Variants in ZMIZ1 observed in about 807,000 individuals in gnomAD.
The protein encoded by ZMIZ1 is zinc finger MIZ-type containing 1.
A neutral mutation model predicts 113.9 loss-of-function variants in ZMIZ1; 17 were observed. The observed-to-expected ratio is 0.15, with a 90% CI of 0.10 to 0.22. The LOEUF is 0.22. Ranked by LOEUF, ZMIZ1 falls within the 10% of genes least tolerant of loss-of-function variation. The pLI, the probability that ZMIZ1 is intolerant of heterozygous loss-of-function variation, is 1.00. For missense variants in ZMIZ1, 1,059 were observed against 1,477.8 expected, an observed-to-expected ratio of 0.72 and a Z score of 4.65; for synonymous variants, 607 against 603.1, an observed-to-expected ratio of 1.01 and a Z score of -0.09.
chr10:79,173,631 A>G (rs774927442), intron 4 of ZMIZ1, among the ~76,000 whole-genome samples: 2 of 152,164 alleles, frequency 1.3e-5, no homozygotes, highest in Non-Finnish European at 2.9e-5. Flanking sequence ...TTTAAGACCA[A>G]ATCTTTGCTG....
intron 4 of ZMIZ1, among the ~76,000 whole-genome samples, chr10:79,172,951 G>A (rs764036579): frequency 8.5e-5 from 13 of 152,184 alleles, no homozygotes; most frequent in Non-Finnish European, 1.5e-4. Context: ...GTGTTTAAAT[G>A]GTAGTGACTG....
intron 2 of ZMIZ1, among the ~76,000 whole-genome samples, chr10:79,135,899 C>T (rs901541867): frequency 4.6e-5 from 7 of 152,340 alleles, no homozygotes; most frequent in East Asian, 3.9e-4. Flanking sequence ...CCCACCCACC[C>T]GCCGCCGCTG....
At chr10:79,138,975 G>A (rs977273244) in intron 2 of ZMIZ1, among the ~76,000 whole-genome samples, 1 of 152,200 alleles carries the variant, frequency 6.6e-6, no homozygotes, top group Admixed American at 6.5e-5. Context: ...TAAAGAGCGT[G>A]GAGGAAGAGC....
rs905330972 is a variant in ZMIZ1 at position 79,311,447 on chromosome 10, C to A, written c.3096+263C>A. Among the ~76,000 whole-genome samples, 6 of 152,274 alleles carry A rather than the reference C, an allele frequency of 3.9e-5. No homozygotes were observed. The East Asian group carries it at 1.2e-3, about 30-fold the overall frequency. On this transcript the variant is annotated intron_variant, in intron 24 of 24. Coordinates refer to ENST00000334512, the MANE Select transcript of ZMIZ1 (RefSeq NM_020338.4). ...ACCCCAGCCCTGACCCACCTTCTGA[C>A]CCAAGCCCTGCGGGGTCCCTTGCGC...
At position 79,298,546 on chromosome 10, in the gene ZMIZ1, C is replaced by T. The variant is rs781240560; in HGVS notation, c.1632C>T (p.Ile544=). The change falls in exon 15 of 25, where the codon ATC becomes ATT. Residue 544 remains isoleucine (I), a synonymous_variant. Coordinates refer to ENST00000334512, the MANE Select transcript of ZMIZ1 (RefSeq NM_020338.4). ...QDVKPPFPPD[I]KPNMSALPPP... is the part of the protein sequence containing the mutation. ...TCAAACCACCCTTCCCGCCTGACAT[C>T]AAGCCAAATATGAGCGCTCTGCCAC... is the stretch of plus-strand genomic sequence containing the variant. The T allele has an allele frequency of 6.2e-7, 1 of 1,602,936 alleles. No homozygotes were observed. Among genetic ancestry groups the T allele is most frequent in the African/African-American group, 1.4e-5 (1 of 73,946 alleles).
intron 1 of ZMIZ1, among the ~76,000 whole-genome samples, chr10:79,103,597 G>A (rs1843446491): frequency 6.6e-6 from 1 of 151,960 alleles, no homozygotes; most frequent in South Asian, 2.1e-4. Flanking sequence ...GGGAGGGAGG[G>A]CAAGGGGTGA....
chr10:79,291,200 G>A (rs1198740968), intron 10 of ZMIZ1, 24 bp downstream of exon 10: 1 of 1,578,392 alleles, frequency 6.3e-7, no homozygotes, highest in Admixed American at 1.8e-5. Flanking sequence ...ACCTGTGGCA[G>A]AAGCCATGGA....
intron 7 of ZMIZ1, among the ~76,000 whole-genome samples, chr10:79,232,880 G>A (rs1289480954): frequency 3.3e-5 from 5 of 152,166 alleles, no homozygotes; most frequent in Admixed American, 3.3e-4. Flanking sequence ...TGTGGAATGG[G>A]AACAGCACCA....
rs555916967 is a variant in ZMIZ1 at position 79,139,700 on chromosome 10, C to T, written c.-208C>T. ...TACCCAGGAGGAAGAGGAGGAGGCC[C>T]GTTGGCGTCGGACCAATGCTGCAAG... On this transcript the variant is annotated 5_prime_UTR_variant, in exon 3 of 25. Transcript: ENST00000334512. The T allele has an allele frequency of 1.3e-5, 5 of 398,694 alleles. No individual in the cohort carries two copies. Among genetic ancestry groups the T allele is most frequent in the East Asian group, 3.5e-5 (1 of 28,178 alleles). The allele number at this position is 398,694 out of a possible 1,614,324, so 24.7% of individuals were successfully genotyped here. A position where few individuals can be genotyped will look rare whatever the true frequency, so the allele number is the denominator to read the frequency against.
intron 7 of ZMIZ1, among the ~76,000 whole-genome samples, chr10:79,220,555 C>T (rs911618377): frequency 3.3e-5 from 5 of 152,204 alleles, no homozygotes; most frequent in Admixed American, 1.3e-4. Flanking sequence ...GCCACCTGTC[C>T]GCCCTCCTGC....
intron 14 of ZMIZ1, 96 bp downstream of exon 14, chr10:79,297,786 A>C (rs1204346293): frequency 9.0e-6 from 10 of 1,110,736 alleles, no homozygotes; most frequent in Non-Finnish European, 1.2e-5. Flanking sequence ...GGACATTCAA[A>C]GGGGCCCATG....
chr10:79,204,080 G>C (rs960467169), intron 5 of ZMIZ1, among the ~76,000 whole-genome samples: 2 of 152,160 alleles, frequency 1.3e-5, no homozygotes, highest in African/African-American at 4.8e-5. Flanking sequence ...AGTCAGCCTC[G>C]GCTGGCTGGG....
intron 7 of ZMIZ1, among the ~76,000 whole-genome samples, chr10:79,248,717 C>G (rs1444267692): frequency 6.6e-6 from 1 of 152,184 alleles, no homozygotes; most frequent in Admixed American, 6.5e-5. Context: ...GTCCAGACCT[C>G]CCCACAACAG....
At position 79,299,161 on chromosome 10, in the gene ZMIZ1, G is replaced by A. The variant is rs1196469674; in HGVS notation, c.1778G>A (p.Arg593Gln). The A allele has an allele frequency of 2.5e-6, 4 of 1,608,968 alleles. No individual in the cohort carries two copies. Among genetic ancestry groups the A allele is most frequent in the East Asian group, 2.2e-5 (1 of 44,858 alleles). ...LAVSNHVFHL[R>Q]PTVHQTLMWR... Reference sequence around the variant, plus strand: ...GTCAGCAACCATGTGTTCCACCTGCGGCCCACGGTCCACCAGACGCTGATG... The same window carrying A: ...GTCAGCAACCATGTGTTCCACCTGCAGCCCACGGTCCACCAGACGCTGATG... Residue 593 changes from arginine (R) to glutamine (Q), a missense_variant, in exon 16 of 25, where the codon CGG becomes CAG. This residue lies in a region of ZMIZ1 where 217 missense variants were observed against 426.9 expected (regional missense o/e 0.51). Transcript: ENST00000334512.
rs115969173 is a variant in ZMIZ1, at chr10:79,178,114, C to G, written c.-50+15981C>G. On this transcript the variant is annotated intron_variant, in intron 4 of 24. Coordinates refer to ENST00000334512, the MANE Select transcript of ZMIZ1 (RefSeq NM_020338.4). ...CTGGGGACTCTGGGGAGATGCCCCC[C>G]ACCCTGCAGCATAATTCATGGTGAG... Among the ~76,000 whole-genome samples, 1,308 of 152,288 alleles carry G rather than the reference C, an allele frequency of 8.6e-3. 22 individuals are homozygous for G. The highest frequency in any genetic ancestry group is 0.029 in the African/African-American group (1,211 of 41,538).
At chr10:79,293,874 T>G in intron 12 of ZMIZ1, 1 of 669,084 alleles carries the variant, frequency 1.5e-6, no homozygotes, top group South Asian at 1.8e-5. Context: ...TAGGGCTGCT[T>G]GAGGGACTTG....
At chr10:79,193,623 A>T (rs1847699855) in intron 4 of ZMIZ1, among the ~76,000 whole-genome samples, 1 of 152,154 alleles carries the variant, frequency 6.6e-6, no homozygotes, top group African/African-American at 2.4e-5. Flanking sequence ...TGATGGAGAG[A>T]CAGTTGCAAG....
chr10:79,222,372 C>T (rs1849012969), intron 7 of ZMIZ1, among the ~76,000 whole-genome samples: 1 of 152,178 alleles, frequency 6.6e-6, no homozygotes, highest in South Asian at 2.1e-4. Flanking sequence ...TCTCTATTGT[C>T]TCACACCCAT....
intron 8 of ZMIZ1, among the ~76,000 whole-genome samples, chr10:79,286,324 A>T (rs1478797125): frequency 6.6e-6 from 1 of 152,150 alleles, no homozygotes; most frequent in Non-Finnish European, 1.5e-5. Context: ...CGGTGGTGGT[A>T]TCTTGAGTCT....
Sources: allele counts gnomAD v4.1 joint callset (sites outside exome capture counted in the v4.1 genomes callset), GRCh38; gene constraint gnomAD v4.1.1; regional missense constraint gnomAD v4.1.1; transcripts MANE v1.5; gene names NCBI Gene and HGNC (gene_info 2026-07-23, HGNC 2026-07-21).